The following MTMR8 variants were observed in gnomAD, a reference collection of about 807,000 sequenced individuals.
MTMR8 encodes myotubularin related protein 8.
Under a neutral mutation model 39.3 loss-of-function variants are expected in MTMR8, and 65 were observed. The observed-to-expected ratio is 1.65, with a 90% CI of 1.35 to 2.03. MTMR8 has a LOEUF of 2.03. MTMR8 is among the 30% of genes most tolerant of loss of function. The probability of loss-of-function intolerance (pLI) is 0.00; values close to 1 mark genes in which losing one functional copy is unlikely to be tolerated. For missense variants in MTMR8, 777 were observed against 538.9 expected, an observed-to-expected ratio of 1.44 and a Z score of -4.37; for synonymous variants, 245 against 185.2, an observed-to-expected ratio of 1.32 and a Z score of -2.62.
At chrX:64,317,885 G>A (rs1460903261) in intron 12 of MTMR8, among the ~76,000 whole-genome samples, 1 of 112,228 alleles carries the variant, frequency 8.9e-6, no homozygotes, top group East Asian at 2.8e-4. Context: ...CTTGAGTTGG[G>A]GAGGTGCCCC....
intron 12 of MTMR8, among the ~76,000 whole-genome samples, chrX:64,292,140 C>G (rs1445665438): frequency 8.9e-6 from 1 of 111,829 alleles, no homozygotes; most frequent in Non-Finnish European, 1.9e-5. Context: ...GGCAGGCAAA[C>G]AAGCTGATAA....
chrX:64,339,342 T>A (rs1000127360), intron 8 of MTMR8, among the ~76,000 whole-genome samples: 2 of 109,846 alleles, frequency 1.8e-5, no homozygotes, highest in East Asian at 5.8e-4. Flanking sequence ...ACAAAAAGGG[T>A]TCAAAGTGAA....
chrX:64,332,053 T>C (rs1922957769), intron 10 of MTMR8, among the ~76,000 whole-genome samples: 1 of 112,096 alleles, frequency 8.9e-6, no homozygotes, highest in Non-Finnish European at 1.9e-5. Flanking sequence ...AGTTGTGTTG[T>C]CCAATATAGC....
intron 12 of MTMR8, among the ~76,000 whole-genome samples, chrX:64,324,814 C>CAAA (rs758476355): frequency 0.032 from 918 of 28,432 alleles, 132 homozygotes; most frequent in African/African-American, 0.23. Context: ...TGTTGCTCAC[C>CAAA]AAAAAAAAAA....
chrX:64,331,745 G>A lies in MTMR8; in HGVS notation c.1164C>T (p.Leu388=), dbSNP rs1922947035. ...GHKFSQRCGH[L]DGDSKEVSPI... ...GGGACACTTCTTTAGAGTCCCCATC[G>A]AGGTGGCCACACCTGAGAGATGAAA... The change falls in exon 11 of 14, where the codon CTC becomes CTT. Residue 388 remains leucine (L), a synonymous_variant. Transcript: ENST00000374852. 4 of 1,204,411 alleles carry A rather than the reference G, an allele frequency of 3.3e-6. No individual in the cohort carries two copies. Among genetic ancestry groups the A allele is most frequent in the Middle Eastern group, 2.3e-4 (1 of 4,354 alleles).
Position 64,328,777 on chromosome X carries a change from G to A in MTMR8, c.1476C>T (p.Asn492=). 8.6e-7 allele frequency: 1 copy of A among 1,159,673 alleles called. No individual in the cohort carries two copies. The highest frequency in any genetic ancestry group is 1.1e-6 in the Non-Finnish European group (1 of 873,373). Residue 492 remains asparagine (N), a synonymous_variant, in exon 12 of 14, where the codon AAC becomes AAT. Coordinates refer to ENST00000374852, the MANE Select transcript of MTMR8 (RefSeq NM_017677.4). The part of the protein sequence containing the change: ...GVLNPSTVPY[N]IQFWCGMYNR... ...GGAAAAACTTAAGAACTTACTGAAT[G>A]TTGTAGGGCACAGTACTAGGATTGA...
At chrX:64,326,518 A>G (rs1922797847) in intron 12 of MTMR8, among the ~76,000 whole-genome samples, 1 of 111,714 alleles carries the variant, frequency 9.0e-6, no homozygotes, top group Non-Finnish European at 1.9e-5. Flanking sequence ...TGAAAACTAT[A>G]AAACATTGAT....
intron 7 of MTMR8, among the ~76,000 whole-genome samples, chrX:64,344,281 G>A (rs191981467): frequency 8.9e-6 from 1 of 111,935 alleles, no homozygotes; most frequent in Non-Finnish European, 1.9e-5. Flanking sequence ...AGAGACCTAA[G>A]GAAGAGGGAT....
rs918883408 is a variant in MTMR8, at chrX:64,303,927, A to G, written c.1481+24845T>C. Among the ~76,000 whole-genome samples, 4 of 112,482 alleles carry G rather than the reference A, an allele frequency of 3.6e-5. No homozygotes were observed. In the East Asian group the frequency reaches 8.4e-4, roughly 24 times the overall value. ...TATGTTCTCTCTGAAAGTGAAAAGC[A>G]TGGCCTTTTAAGCACATTTTACTGT... On this transcript the variant is annotated intron_variant, in intron 12 of 13. Coordinates refer to ENST00000374852, the MANE Select transcript of MTMR8 (RefSeq NM_017677.4).
chrX:64,365,033 G>A (rs1172164527), intron 1 of MTMR8, among the ~76,000 whole-genome samples: 1 of 111,230 alleles, frequency 9.0e-6, no homozygotes, highest in Non-Finnish European at 1.9e-5. Flanking sequence ...CCAAATTGAT[G>A]AAATAAAGTG....
intron 8 of MTMR8, 75 bp downstream of exon 8, chrX:64,343,536 C>T: frequency 1.7e-6 from 1 of 601,937 alleles, no homozygotes; most frequent in Non-Finnish European, 2.6e-6. Context: ...AATATTCTTT[C>T]CACCATGGCA....
At position 64,395,107 on chromosome X, in the gene MTMR8, T is replaced by G. The variant is rs751971123; in HGVS notation, c.24+233A>C. Among the ~76,000 whole-genome samples the G allele has an allele frequency of 3.6e-5, 4 of 111,466 alleles. No individual in the cohort carries two copies. In the East Asian group the frequency reaches 1.1e-3, roughly 32 times the overall value. On this transcript the variant is annotated intron_variant, in intron 1 of 13. Coordinates refer to ENST00000374852, the MANE Select transcript of MTMR8 (RefSeq NM_017677.4). The stretch of plus-strand genomic sequence containing the variant: ...CACCAGGAGCGGGGGCGGCGTCGCG[T>G]AAGGGGACAGTGGTGCAGACCACCT...
intron 1 of MTMR8, among the ~76,000 whole-genome samples, chrX:64,363,676 G>A (rs188758434): frequency 7.9e-4 from 88 of 111,803 alleles, no homozygotes; most frequent in Middle Eastern, 4.6e-3. Context: ...CGTGACCGAC[G>A]CAAAAGATAG....
intron 12 of MTMR8, among the ~76,000 whole-genome samples, chrX:64,316,611 G>A (rs924477094): frequency 9.0e-6 from 1 of 111,404 alleles, no homozygotes; most frequent in Non-Finnish European, 1.9e-5. Flanking sequence ...TTGCACCAAT[G>A]CACACCAGCC....
intron 1 of MTMR8, among the ~76,000 whole-genome samples, chrX:64,385,444 C>G (rs1924533298): frequency 8.9e-6 from 1 of 111,808 alleles, no homozygotes; most frequent in Non-Finnish European, 1.9e-5. Flanking sequence ...ATAGTAATGC[C>G]CCACTCCTCG....
chrX:64,292,644 A>G (rs1028386434), intron 12 of MTMR8, among the ~76,000 whole-genome samples: 1 of 110,800 alleles, frequency 9.0e-6, no homozygotes, highest in Non-Finnish European at 1.9e-5. Flanking sequence ...AAACAAAAGA[A>G]GAGGGCCACT....
At chrX:64,338,176 A>C (rs1453257873) in intron 8 of MTMR8, among the ~76,000 whole-genome samples, 1 of 112,379 alleles carries the variant, frequency 8.9e-6, no homozygotes, top group Admixed American at 9.5e-5. Context: ...GGGTTTCCTT[A>C]GGTGAAGAAG....
intron 12 of MTMR8, among the ~76,000 whole-genome samples, chrX:64,293,418 A>C (rs1354567864): frequency 1.8e-5 from 2 of 111,451 alleles, no homozygotes; most frequent in Non-Finnish European, 3.8e-5. Flanking sequence ...TGAGTAAACA[A>C]AAGGGGTTAC....
intron 12 of MTMR8, among the ~76,000 whole-genome samples, chrX:64,287,571 C>T (rs1024024012): frequency 2.7e-5 from 3 of 111,084 alleles, no homozygotes; most frequent in Non-Finnish European, 5.7e-5. Flanking sequence ...AACTGTACTA[C>T]AAGGCTACAG....
Sources: gnomAD v4.1 joint callset for allele counts (sites outside exome capture counted in the v4.1 genomes callset) on GRCh38, gnomAD v4.1.1 for gene constraint, MANE v1.5 for transcripts, NCBI Gene and HGNC (gene_info 2026-07-23, HGNC 2026-07-21) for gene names.